Variants in DOCK7 observed in about 807,000 individuals in gnomAD.
DOCK7 encodes dedicator of cytokinesis protein 7.
In DOCK7, 138 loss-of-function variants were observed where a neutral mutation model predicts 271.0. That is an observed-to-expected ratio of 0.51 (90% CI 0.44 to 0.59). The LOEUF (loss-of-function observed/expected upper bound fraction) is 0.59, where lower values mean the gene tolerates loss of function less well. Among genes scored for constraint, DOCK7 ranks in the 20% least tolerant of loss-of-function variants. DOCK7 has a pLI of 0.00. For synonymous variants in DOCK7, 823 were observed against 876.1 expected (o/e 0.94, Z 1.07); for missense variants, 2,066 against 2,592.4 (o/e 0.80, Z 4.41).
intron 3 of DOCK7, 62 bp from the exon 4 acceptor site, chr1:62,653,855 T>C: frequency 6.9e-7 from 1 of 1,459,738 alleles, no homozygotes; most frequent in Non-Finnish European, 9.5e-7. Flanking sequence ...TTCATTAATT[T>C]GGTTGCTACA....
At chr1:62,568,586 T>A (rs1265951701) in intron 18 of DOCK7, among the ~76,000 whole-genome samples, 1 of 121,800 alleles carries the variant, frequency 8.2e-6, no homozygotes, top group African/African-American at 3.3e-5. Context: ...ATTGCAGGCG[T>A]GAGCCACTGT....
intron 18 of DOCK7, among the ~76,000 whole-genome samples, chr1:62,573,508 ATAT>A (rs1646849982): frequency 6.6e-6 from 1 of 152,238 alleles, no homozygotes; most frequent in Non-Finnish European, 1.5e-5. Flanking sequence ...GAACTGAATA[ATAT>A]TATAAAGCAG....
chr1:62,604,019 A>G, intron 14 of DOCK7: 1 of 1,613,064 alleles, frequency 6.2e-7, no homozygotes, highest in Non-Finnish European at 8.5e-7. Flanking sequence ...GAAGCAATCT[A>G]ATTATGTTTT....
At chr1:62,474,926 A>C (rs1395371098) in intron 47 of DOCK7, among the ~76,000 whole-genome samples, 3 of 152,234 alleles carry the variant, frequency 2.0e-5, no homozygotes, top group African/African-American at 2.4e-5. Flanking sequence ...AGGTAACATC[A>C]GGGAGAATCT....
chr1:62,545,151 T>G, intron 22 of DOCK7, 112 bp from the exon 23 acceptor site: 1 of 1,078,924 alleles, frequency 9.3e-7, no homozygotes, highest in Non-Finnish European at 1.3e-6. Context: ...TTTTAATTAG[T>G]ACTGTTAAAG....
At chr1:62,624,828 G>C (rs1653737073) in intron 12 of DOCK7, among the ~76,000 whole-genome samples, 1 of 152,020 alleles carries the variant, frequency 6.6e-6, no homozygotes, top group Non-Finnish European at 1.5e-5. Flanking sequence ...ACAAAAATTG[G>C]CCAGGCATGG....
At chr1:62,639,482 T>A (rs1655721284) in intron 7 of DOCK7, among the ~76,000 whole-genome samples, 1 of 132,618 alleles carries the variant, frequency 7.5e-6, no homozygotes, top group Admixed American at 8.8e-5. Context: ...TCGCCCAGGC[T>A]GGAGTGCAGT....
At chr1:62,560,686 C>T (rs1646293942) in intron 19 of DOCK7, among the ~76,000 whole-genome samples, 1 of 152,162 alleles carries the variant, frequency 6.6e-6, no homozygotes, top group South Asian at 2.1e-4. Context: ...ACTACTGTAA[C>T]TCTGTACTTG....
chr1:62,604,910 G>A (rs1459563247), intron 14 of DOCK7: 4 of 1,354,538 alleles, frequency 3.0e-6, no homozygotes, highest in Non-Finnish European at 4.2e-6. Flanking sequence ...TTAAGAGAAA[G>A]CTTGAGAAAT....
intron 11 of DOCK7, among the ~76,000 whole-genome samples, chr1:62,630,399 C>T (rs1654475967): frequency 6.6e-6 from 1 of 152,110 alleles, no homozygotes; most frequent in African/African-American, 2.4e-5. Context: ...TCTGGCTCCC[C>T]ATCTCTTCTT....
At chr1:62,605,633 G>A (rs947360808) in intron 14 of DOCK7, 2 of 152,368 alleles carry the variant, frequency 1.3e-5, no homozygotes, top group African/African-American at 4.8e-5. Context: ...TCGAGTTAAA[G>A]TTTATATTTC....
Position 62,625,377 on chromosome 1 carries a change from C to T in DOCK7, c.1307G>A (p.Arg436Lys). The T allele has an allele frequency of 6.2e-7, 1 of 1,612,600 alleles. No homozygotes were observed. Among genetic ancestry groups the T allele is most frequent in the Non-Finnish European group, 8.5e-7 (1 of 1,179,276 alleles). The change falls in exon 12 of 50, where the codon AGG (arginine) becomes AAG (lysine). Residue 436 changes from arginine (R) to lysine (K), a missense_variant. Arg to Lys is a conservative substitution (Grantham distance 26). Transcript: ENST00000635253. The stretch of plus-strand genomic sequence containing the variant: ...TCTGCCAACAATACTAGAATTCCTC[C>T]TCTCTGACCAAGACCCTTTTCGTTC... The part of the protein sequence containing the change: ...TGERKGSWSE[R>K]RNSSIVGRRS...
chr1:62,583,283 T>C (rs748963550), intron 15 of DOCK7, 29 bp from the exon 16 acceptor site: 14 of 1,576,592 alleles, frequency 8.9e-6, no homozygotes, highest in Non-Finnish European at 1.2e-5. Context: ...TGTTGAAACT[T>C]TGTTGTAGTA....
At chr1:62,680,528 A>C (rs1368659133) in intron 1 of DOCK7, among the ~76,000 whole-genome samples, 1 of 151,864 alleles carries the variant, frequency 6.6e-6, no homozygotes, top group African/African-American at 2.4e-5. Context: ...AAAAGCCAAA[A>C]TTGACAAATG....
intron 12 of DOCK7, among the ~76,000 whole-genome samples, chr1:62,622,816 G>C (rs1472355357): frequency 2.6e-5 from 4 of 152,064 alleles, no homozygotes; most frequent in African/African-American, 9.7e-5. Flanking sequence ...TGTAGTCCCA[G>C]CTACTCGGGA....
intron 7 of DOCK7, among the ~76,000 whole-genome samples, chr1:62,644,221 C>T (rs1557850183): frequency 6.6e-6 from 1 of 152,176 alleles, no homozygotes; most frequent in Non-Finnish European, 1.5e-5. Context: ...TCTAGAACCA[C>T]TTTAAACTAA....
At chr1:62,462,372 T>C (rs1645555285) in intron 48 of DOCK7, among the ~76,000 whole-genome samples, 1 of 152,250 alleles carries the variant, frequency 6.6e-6, no homozygotes, top group Non-Finnish European at 1.5e-5. Context: ...GGAATTGCTC[T>C]GCCACACGGC....
At chr1:62,632,608 T>C (rs1478424615) in intron 10 of DOCK7, among the ~76,000 whole-genome samples, 1 of 152,226 alleles carries the variant, frequency 6.6e-6, no homozygotes, top group East Asian at 1.9e-4. Context: ...CTTGTATTCT[T>C]GTAGCTAACC....
intron 48 of DOCK7, among the ~76,000 whole-genome samples, chr1:62,468,827 A>C (rs903658711): frequency 2.0e-5 from 3 of 151,872 alleles, no homozygotes; most frequent in African/African-American, 4.9e-5. Flanking sequence ...TTGCAAAAAA[A>C]AAACAACCTC....
Sources: allele counts gnomAD v4.1 joint callset (sites outside exome capture counted in the v4.1 genomes callset), GRCh38; gene constraint gnomAD v4.1.1; transcripts MANE v1.5; gene names NCBI Gene and HGNC (gene_info 2026-07-23, HGNC 2026-07-21).